Variants in RAB33A observed in about 807,000 individuals in gnomAD.
The protein encoded by RAB33A is ras-related protein Rab-33A.
In RAB33A, 6 loss-of-function variants were observed where a neutral mutation model predicts 12.0. That is an observed-to-expected ratio of 0.50 (90% CI 0.27 to 0.99). RAB33A has a LOEUF of 0.99. Ranked by LOEUF, RAB33A falls within the 50% of genes least tolerant of loss-of-function variation. The probability of loss-of-function intolerance (pLI) is 0.11; values close to 1 mark genes in which losing one functional copy is unlikely to be tolerated. For synonymous variants in RAB33A, 70 were observed against 82.4 expected (o/e 0.85, Z 0.81); for missense variants, 109 against 192.0 (o/e 0.57, Z 2.55).
the RAB33A span, among the ~76,000 whole-genome samples, chrX:130,121,117 TGG>T: frequency 8.9e-6 from 1 of 112,597 alleles, no homozygotes; most frequent in Admixed American, 9.3e-5. Flanking sequence ...CCTCCTGCCC[TGG>T]GCGCCTCTTC....
chrX:130,160,316 G>A, the RAB33A span, among the ~76,000 whole-genome samples: 1 of 111,075 alleles, frequency 9.0e-6, no homozygotes, highest in African/African-American at 3.3e-5. Flanking sequence ...CTTTTCACTT[G>A]TCTTACTAAC....
chrX:130,171,438 G>C (rs2031604474), upstream of RAB33A, among the ~76,000 whole-genome samples: 1 of 112,353 alleles, frequency 8.9e-6, no homozygotes, highest in Non-Finnish European at 1.9e-5. Context: ...GTTGCTCCAG[G>C]GAGGCCGAAG....
the RAB33A span, chrX:130,149,471 G>C: frequency 8.3e-7 from 1 of 1,204,863 alleles, no homozygotes. Flanking sequence ...ATACTCACCA[G>C]ATAACGCGGC....
the RAB33A span, among the ~76,000 whole-genome samples, chrX:130,112,484 T>C: frequency 8.9e-6 from 1 of 112,492 alleles, no homozygotes; most frequent in South Asian, 3.7e-4. Context: ...CCTGGGTTCC[T>C]ATTCCAGCTC....
At chrX:130,170,876 G>A (rs188220450), upstream of RAB33A, among the ~76,000 whole-genome samples, 933 of 112,571 alleles carry the variant, frequency 8.3e-3, 5 homozygotes, top group Non-Finnish European at 0.012. Flanking sequence ...CCTCCACCTG[G>A]GCCAGTAATG....
chrX:130,119,876 C>G, the RAB33A span, among the ~76,000 whole-genome samples: 1 of 111,728 alleles, frequency 9.0e-6, no homozygotes, highest in African/African-American at 3.3e-5. Flanking sequence ...CGGGGTGCAG[C>G]TTTTATTTCT....
intron 1 of RAB33A, among the ~76,000 whole-genome samples, chrX:130,181,218 G>T (rs2031724499): frequency 9.1e-6 from 1 of 110,032 alleles, no homozygotes; most frequent in African/African-American, 3.3e-5. Context: ...TGTGTCAATA[G>T]AGGGAGATGA....
intron 1 of RAB33A, among the ~76,000 whole-genome samples, chrX:130,181,669 T>C (rs150882984): frequency 7.1e-5 from 8 of 112,298 alleles, no homozygotes; most frequent in African/African-American, 2.6e-4. Flanking sequence ...TAAAAATAAA[T>C]TGGAGGCTGG....
the RAB33A span, among the ~76,000 whole-genome samples, chrX:130,118,890 T>A: frequency 9.0e-6 from 1 of 111,429 alleles, no homozygotes. Context: ...CGTGCATGCA[T>A]GTGTGTTCGT....
chrX:130,166,750 A>G, the RAB33A span, among the ~76,000 whole-genome samples: 17 of 111,907 alleles, frequency 1.5e-4, no homozygotes, highest in South Asian at 5.6e-3. Context: ...ACCCCTCACA[A>G]TGGTTCGACT....
the RAB33A span, among the ~76,000 whole-genome samples, chrX:130,117,098 C>T: frequency 1.8e-5 from 2 of 111,862 alleles, no homozygotes; most frequent in African/African-American, 3.3e-5. Context: ...CCTGTAGTCC[C>T]AGCTACGCGG....
the RAB33A span, among the ~76,000 whole-genome samples, chrX:130,150,359 G>T: frequency 1.4e-5 from 1 of 73,696 alleles, no homozygotes; most frequent in Non-Finnish European, 2.4e-5. Context: ...TTTTTGAGAC[G>T]GAGTCTCGCT....
At chrX:130,111,269 G>A in the RAB33A span, among the ~76,000 whole-genome samples, 1 of 111,985 alleles carries the variant, frequency 8.9e-6, no homozygotes, top group Admixed American at 9.3e-5. Context: ...TGCTCGTTCC[G>A]CGCCCTTCCC....
chrX:130,150,359 G>A, the RAB33A span, among the ~76,000 whole-genome samples: 4 of 73,695 alleles, frequency 5.4e-5, no homozygotes, highest in East Asian at 4.1e-4. Flanking sequence ...TTTTTGAGAC[G>A]GAGTCTCGCT....
the RAB33A span, chrX:130,137,022 C>T: frequency 8.3e-7 from 1 of 1,210,416 alleles, no homozygotes; most frequent in Non-Finnish European, 1.1e-6. Context: ...GCGAAGTTTG[C>T]CTTAGGTCAC....
At chrX:130,139,989 G>A in the RAB33A span, 2 of 628,256 alleles carry the variant, frequency 3.2e-6, no homozygotes, top group Admixed American at 2.3e-5. Flanking sequence ...GGCAACAACA[G>A]GATAGGATAC....
the RAB33A span, among the ~76,000 whole-genome samples, chrX:130,152,883 A>T: frequency 8.9e-6 from 1 of 112,291 alleles, no homozygotes; most frequent in African/African-American, 3.2e-5. Context: ...CATTAGACGC[A>T]AACACAAATA....
chrX:130,136,459 A>G, the RAB33A span, among the ~76,000 whole-genome samples: 1 of 112,362 alleles, frequency 8.9e-6, no homozygotes. Context: ...AGTGGTTCAC[A>G]GGAGCCTACT....
At chrX:130,157,810 G>C in the RAB33A span, among the ~76,000 whole-genome samples, 5 of 109,457 alleles carry the variant, frequency 4.6e-5, no homozygotes, top group African/African-American at 1.7e-4. Context: ...AATTAGCTGG[G>C]CAGGTGTGGT....
Sources: gnomAD v4.1 joint callset for allele counts (sites outside exome capture counted in the v4.1 genomes callset) on GRCh38, gnomAD v4.1.1 for gene constraint, MANE v1.5 for transcripts, NCBI Gene and HGNC (gene_info 2026-07-23, HGNC 2026-07-21) for gene names.